PLD1: variants seen among roughly 807,000 people sequenced by gnomAD.
PLD1 encodes phospholipase D1.
In PLD1, 112 loss-of-function variants were observed where a neutral mutation model predicts 137.1. That is an observed-to-expected ratio of 0.82 (90% CI 0.70 to 0.96). The LOEUF is 0.96. Among genes scored for constraint, PLD1 ranks in the 40% least tolerant of loss-of-function variants. The pLI, the probability that PLD1 is intolerant of heterozygous loss-of-function variation, is 0.00. For missense variants in PLD1, 1,321 were observed against 1,342.0 expected (o/e 0.98, Z 0.24); for synonymous variants, 431 against 454.7 (o/e 0.95, Z 0.66).
At chr3:171,647,185 C>G (rs926510439) in intron 21 of PLD1, among the ~76,000 whole-genome samples, 1 of 152,142 alleles carries the variant, frequency 6.6e-6, no homozygotes, top group African/African-American at 2.4e-5. Flanking sequence ...CAATCAAAGA[C>G]CCTTGCACAT....
At chr3:171,681,142 A>G (rs1483365048) in intron 16 of PLD1, among the ~76,000 whole-genome samples, 1 of 152,162 alleles carries the variant, frequency 6.6e-6, no homozygotes, top group African/African-American at 2.4e-5. Context: ...TTCATAGCTG[A>G]TTTTCACAGC....
intron 6 of PLD1, among the ~76,000 whole-genome samples, chr3:171,731,726 C>T (rs1718963633): frequency 6.6e-6 from 1 of 151,782 alleles, no homozygotes; most frequent in African/African-American, 2.4e-5. Flanking sequence ...GAGCCGAGAT[C>T]ATGCCACTGC....
At chr3:171,803,543 G>C (rs1723731419) in intron 1 of PLD1, among the ~76,000 whole-genome samples, 1 of 152,172 alleles carries the variant, frequency 6.6e-6, no homozygotes, top group South Asian at 2.1e-4. Flanking sequence ...AGACCAGCCT[G>C]ACCAACATGG....
chr3:171,659,356 G>T (rs1024771875), intron 20 of PLD1, 55 bp from the exon 21 acceptor site: 6 of 1,081,344 alleles, frequency 5.5e-6, no homozygotes, highest in Non-Finnish European at 8.6e-6. Flanking sequence ...AGCAATATAC[G>T]TAAGAACAAT....
Position 171,665,610 on chromosome 3 carries a change from G to A in PLD1, c.2230-3440C>T, listed in dbSNP as rs138047320. 2.1e-3 allele frequency among the ~76,000 whole-genome samples: 323 copies of A among 151,928 alleles called. 3 individuals are homozygous for A. The highest frequency in any genetic ancestry group is 6.9e-3 in the African/African-American group (287 of 41,398). Reference sequence around the variant, plus strand: ...AGCTACTCGGGAGGCTGAGGATGGCGAATCGCTTGAACCCAGGAGGCGGAG... The same window carrying A: ...AGCTACTCGGGAGGCTGAGGATGGCAAATCGCTTGAACCCAGGAGGCGGAG... On this transcript the variant is annotated intron_variant, in intron 19 of 26. Transcript: ENST00000351298.
chr3:171,670,866 T>C (rs978816393), intron 19 of PLD1, among the ~76,000 whole-genome samples: 11 of 152,222 alleles, frequency 7.2e-5, no homozygotes, highest in Admixed American at 7.2e-4. Flanking sequence ...AATTAAGAAG[T>C]GTATCTGTGG....
At chr3:171,701,094 G>A (rs193091047) in intron 11 of PLD1, among the ~76,000 whole-genome samples, 1 of 152,224 alleles carries the variant, frequency 6.6e-6, no homozygotes, top group South Asian at 2.1e-4. Flanking sequence ...GAGATTAAAA[G>A]AAATCAATTT....
chr3:171,779,836 T>C (rs1722723435), intron 1 of PLD1, among the ~76,000 whole-genome samples: 1 of 152,048 alleles, frequency 6.6e-6, no homozygotes, highest in African/African-American at 2.4e-5. Context: ...GATACATAAG[T>C]CTGAGATTAG....
chr3:171,620,472 T>C lies in PLD1; in HGVS notation c.2642A>G (p.His881Arg). Residue 881 changes from histidine (H) to arginine (R), a missense_variant, in exon 24 of 27, where the codon CAT (histidine) becomes CGT (arginine). By Grantham distance (29) the His-to-Arg change is conservative. Transcript: ENST00000351298. ...NYISFCGLRT[H>R]AELEGNLVTE... Reference sequence around the variant, plus strand: ...TACTAGGTTTCCTTCGAGCTCTGCATGTGTTCTAAGACCACAGAATGATAT... The same window carrying C: ...TACTAGGTTTCCTTCGAGCTCTGCACGTGTTCTAAGACCACAGAATGATAT... 1 of 1,601,666 alleles carries C rather than the reference T, an allele frequency of 6.2e-7. No homozygotes were observed. The highest frequency in any genetic ancestry group is 1.1e-5 in the South Asian group (1 of 90,484).
Position 171,692,415 on chromosome 3 carries a change from G to T in PLD1, c.1255C>A (p.Leu419Ile). 6.3e-7 allele frequency: 1 copy of T among 1,596,250 alleles called. No individual in the cohort carries two copies. Residue 419 changes from leucine to isoleucine, a missense_variant, in exon 13 of 27, where the codon CTC (leucine) becomes ATC (isoleucine). Transcript: ENST00000351298. Reference sequence around the variant, plus strand: ...AGAGCGAGTTCCACCTCTTTGTAGAGCATTATGAAGATCCTCACTCCTTGT... The same window carrying T: ...AGAGCGAGTTCCACCTCTTTGTAGATCATTATGAAGATCCTCACTCCTTGT... Reference protein sequence around the residue: ...AQQGVRIFIMLYKEVELALGI... With the variant: ...AQQGVRIFIMIYKEVELALGI...
At chr3:171,709,269 G>C (rs1189135201) in intron 10 of PLD1, among the ~76,000 whole-genome samples, 1 of 152,190 alleles carries the variant, frequency 6.6e-6, no homozygotes, top group Non-Finnish European at 1.5e-5. Flanking sequence ...TAGGGGTAAT[G>C]ACTTAAATAA....
At chr3:171,663,379 A>G (rs1165691701) in intron 19 of PLD1, among the ~76,000 whole-genome samples, 1 of 152,194 alleles carries the variant, frequency 6.6e-6, no homozygotes, top group African/African-American at 2.4e-5. Context: ...CTGGCTGTTG[A>G]TCGTGTTTCT....
intron 1 of PLD1, chr3:171,793,466 T>C (rs1209836168): frequency 3.3e-5 from 5 of 152,248 alleles, no homozygotes; most frequent in African/African-American, 1.2e-4. Flanking sequence ...AGGTTACTTA[T>C]GCCTATTTTA....
chr3:171,629,384 T>C (rs998871303), intron 23 of PLD1, among the ~76,000 whole-genome samples: 5 of 152,034 alleles, frequency 3.3e-5, no homozygotes, highest in Admixed American at 6.6e-5. Flanking sequence ...AATGGAAGAA[T>C]ATTCCATGCT....
At chr3:171,674,479 G>A in intron 19 of PLD1, 21 bp downstream of exon 19, 2 of 1,296,118 alleles carry the variant, frequency 1.5e-6, no homozygotes, top group South Asian at 1.3e-5. Flanking sequence ...TTGTCAAAAA[G>A]AAAAGCCAGA....
rs894868149 is a variant in PLD1, at chr3:171,747,525, G to A, written c.-31-9443C>T. On this transcript the variant is annotated intron_variant, in intron 1 of 26. Coordinates refer to ENST00000351298, the MANE Select transcript of PLD1 (RefSeq NM_002662.5). ...AACTACTCCCATTCAACCCTACTAT[G>A]CAACCTTAGAGGCTCTATACAGGAA... 1.2e-4 allele frequency among the ~76,000 whole-genome samples: 18 copies of A among 145,806 alleles called. No individual in the cohort carries two copies. In the South Asian group the frequency reaches 3.5e-3, roughly 28 times the overall value.
chr3:171,804,622 T>G (rs1723775107), intron 1 of PLD1, among the ~76,000 whole-genome samples: 1 of 152,204 alleles, frequency 6.6e-6, no homozygotes, highest in Admixed American at 6.5e-5. Context: ...AATATCACAC[T>G]ACATATAAAA....
chr3:171,698,801 T>G (rs911112134), intron 12 of PLD1, among the ~76,000 whole-genome samples: 1 of 58,374 alleles, frequency 1.7e-5, no homozygotes, highest in Non-Finnish European at 3.5e-5. Context: ...CTACTAAAAA[T>G]ACAAAAATAC....
At chr3:171,743,134 A>T (rs1719900087) in intron 1 of PLD1, among the ~76,000 whole-genome samples, 1 of 152,212 alleles carries the variant, frequency 6.6e-6, no homozygotes, top group South Asian at 2.1e-4. Context: ...TGTTCCACTC[A>T]TGCTTCCTCC....
Sources: gnomAD v4.1 joint callset for allele counts (sites outside exome capture counted in the v4.1 genomes callset) on GRCh38, gnomAD v4.1.1 for gene constraint, MANE v1.5 for transcripts, NCBI Gene and HGNC (gene_info 2026-07-23, HGNC 2026-07-21) for gene names.